Variants in MTRR observed in about 807,000 individuals in gnomAD.
MTRR encodes the protein 5-methyltetrahydrofolate-homocysteine methyltransferase reductase.
In MTRR, 63 loss-of-function variants were observed where a neutral mutation model predicts 79.2. That is an observed-to-expected ratio of 0.80 (90% CI 0.65 to 0.98). MTRR has a LOEUF of 0.98. Among genes scored for constraint, MTRR ranks in the 50% least tolerant of loss-of-function variants. The pLI is 0.00. For synonymous variants in MTRR, 355 were observed against 313.3 expected (o/e 1.13, Z -1.41); for missense variants, 895 against 839.6 (o/e 1.07, Z -0.82).
rs375421492 is a variant in MTRR, at chr5:7,885,749, C to G, written c.952C>G (p.Pro318Ala). ...TGGAGATGCCTTCAGCGTGATCTGC[C>G]CTAACAGTGATTCTGAGGTACAAAG... ...QPGDAFSVIC[P>A]NSDSEVQSLL... Residue 318 changes from proline to alanine, a missense_variant, in exon 7 of 15, where the codon CCT becomes GCT. Physicochemically the swap from Pro to Ala is conservative, Grantham distance 27. Transcript: ENST00000440940. The G allele has an allele frequency of 6.2e-7, 1 of 1,613,770 alleles. No individual in the cohort carries two copies.
chr5:7,870,926 T>C lies in MTRR; in HGVS notation c.129+3T>C. The C allele has an allele frequency of 6.2e-7, 1 of 1,614,208 alleles. No homozygotes were observed. The highest frequency in any genetic ancestry group is 8.5e-7 in the Non-Finnish European group (1 of 1,180,012). ...ACTGTATTAGTGAATCCGATAAGGT[T>C]AGAGCCGTTACAGTGGATTTTACCG... On this transcript the variant is annotated splice_donor_region_variant and intron_variant, in intron 2 of 14. Transcript: ENST00000440940.
At position 7,897,143 on chromosome 5, in the gene MTRR, G is replaced by A. The variant is rs1237223918; in HGVS notation, c.1848G>A (p.Gly616=). Residue 616 remains glycine, a synonymous_variant, in exon 14 of 15, where the codon GGG becomes GGA. Coordinates refer to ENST00000440940, the MANE Select transcript of MTRR (RefSeq NM_002454.3). ...CCTTCTCAAGAGATGCTCCTGTTGG[G>A]GAGGAGGAAGCCCCAGCAAAGTATG... The part of the protein sequence containing the change: ...KVSFSRDAPV[G]EEEAPAKYVQ... 1 of 1,613,928 alleles carries A rather than the reference G, an allele frequency of 6.2e-7. No individual in the cohort carries two copies. The highest frequency in any genetic ancestry group is 1.3e-5 in the African/African-American group (1 of 74,858).
upstream of MTRR, among the ~76,000 whole-genome samples, chr5:7,865,174 G>C (rs1018452826): frequency 1.3e-5 from 2 of 152,178 alleles, no homozygotes; most frequent in African/African-American, 4.8e-5. Context: ...TTTGGGCGTA[G>C]AAACTGCTTT....
intron 1 of MTRR, 98 bp from the exon 2 acceptor site, chr5:7,870,672 G>T: frequency 7.9e-7 from 1 of 1,269,916 alleles, no homozygotes; most frequent in Non-Finnish European, 1.1e-6. Context: ...TTATGTGTGG[G>T]TATTGTTGCA....
intron 5 of MTRR, among the ~76,000 whole-genome samples, chr5:7,879,330 T>G (rs918784937): frequency 1.3e-5 from 2 of 152,110 alleles, no homozygotes; most frequent in Non-Finnish European, 2.9e-5. Flanking sequence ...TAATCATTAA[T>G]CTGACTAGGA....
rs138332575 is a variant in MTRR at position 7,885,859 on chromosome 5, C to T, written c.1057+5C>T. The T allele has an allele frequency of 2.5e-6, 4 of 1,613,952 alleles. No individual in the cohort carries two copies. The East Asian group carries it at 8.9e-5, about 36-fold the overall frequency. Reference sequence around the variant, plus strand: ...AGGCAGACACAAAGAAGAAAGGTAACAGCCCTGATGCTGTGACGTTGGGGT... The same window carrying T: ...AGGCAGACACAAAGAAGAAAGGTAATAGCCCTGATGCTGTGACGTTGGGGT... On this transcript the variant is annotated splice_donor_5th_base_variant and intron_variant, in intron 7 of 14. Transcript: ENST00000440940.
exon 1 of MTRR, chr5:7,851,301 G>A (rs775994072): frequency 2.0e-5 from 7 of 349,020 alleles, no homozygotes; most frequent in Admixed American, 4.8e-5. Flanking sequence ...AGACGCCGCG[G>A]GGACTACCCA....
rs1017039257 is a variant in MTRR at position 7,897,341 on chromosome 5, G to A, written c.1952+94G>A. On this transcript the variant is annotated intron_variant, in intron 14 of 14. Transcript: ENST00000440940. ...ACCGAGAAGCCAATAATCTAGATATGTAGGGATAAGACATTTGATTCTTAA... is the reference window on the plus strand; with the variant it reads ...ACCGAGAAGCCAATAATCTAGATATATAGGGATAAGACATTTGATTCTTAA... The A allele has an allele frequency of 1.1e-5, 13 of 1,237,562 alleles. No homozygotes were observed. The African/African-American group carries it at 1.3e-4, about 13-fold the overall frequency. 76.7% of individuals were successfully genotyped at this position (1,237,562 alleles called of 1,614,324 possible). A position where few individuals can be genotyped will look rare whatever the true frequency, so the allele number is the denominator to read the frequency against.
chr5:7,898,247 G>A (rs1224291508), intron 14 of MTRR, among the ~76,000 whole-genome samples: 2 of 151,942 alleles, frequency 1.3e-5, no homozygotes, highest in Admixed American at 6.6e-5. Context: ...ATTTTGTTTG[G>A]CGAGGACAGT....
chr5:7,877,555 G>A (rs1001920117), intron 4 of MTRR, among the ~76,000 whole-genome samples: 2 of 149,996 alleles, frequency 1.3e-5, no homozygotes, highest in African/African-American at 2.5e-5. Context: ...AGCATTTGCA[G>A]CATTATGGTA....
upstream of MTRR, chr5:7,867,966 G>A: frequency 6.2e-7 from 1 of 1,613,992 alleles, no homozygotes; most frequent in Non-Finnish European, 8.5e-7. Flanking sequence ...GGGCACAGAC[G>A]CTCCTTGACT....
In MTRR at chr5:7,899,981, G is replaced by A; in HGVS notation, c.2020G>A (p.Val674Ile). The A allele has an allele frequency of 6.2e-7, 1 of 1,614,152 alleles. No homozygotes were observed. The highest frequency in any genetic ancestry group is 1.1e-5 in the South Asian group (1 of 91,080). The change falls in exon 15 of 15, where the codon GTT becomes ATT. Residue 674 changes from valine (V) to isoleucine (I), a missense_variant. Val to Ile is a conservative substitution (Grantham distance 29). Coordinates refer to ENST00000440940, the MANE Select transcript of MTRR (RefSeq NM_002454.3). ...LVQIISKEVG[V>I]EKLEAMKTLA... The stretch of plus-strand genomic sequence containing the variant: ...GCAAATAATAAGCAAAGAGGTTGGA[G>A]TTGAAAAACTAGAAGCAATGAAAAC...
chr5:7,856,444 T>G (rs326209), intron 1 of MTRR, among the ~76,000 whole-genome samples: 112,555 of 152,150 alleles, frequency 0.74, 42,629 homozygotes, highest in African/African-American at 0.91. Context: ...TACAGACCAT[T>G]CCTTACATGA....
At chr5:7,890,196 G>A in intron 9 of MTRR, 3 of 908,436 alleles carry the variant, frequency 3.3e-6, no homozygotes, top group Non-Finnish European at 3.9e-6. Flanking sequence ...CCTTTTCGAT[G>A]CCCAGTACAA....
chr5:7,885,599 A>G (rs921955984), intron 6 of MTRR, 102 bp from the exon 7 acceptor site: 16 of 1,135,482 alleles, frequency 1.4e-5, no homozygotes, highest in Non-Finnish European at 1.9e-5. Context: ...GAGTTCACAT[A>G]TTAAAATCAT....
At chr5:7,879,628 GA>G (rs1187429387) in intron 5 of MTRR, among the ~76,000 whole-genome samples, 1 of 152,044 alleles carries the variant, frequency 6.6e-6, no homozygotes, top group Non-Finnish European at 1.5e-5. Context: ...AAAGAATTGG[GA>G]AAAAAAGAAT....
chr5:7,853,744 C>T (rs563704849), intron 1 of MTRR, among the ~76,000 whole-genome samples: 126 of 152,270 alleles, frequency 8.3e-4, no homozygotes, highest in Middle Eastern at 3.4e-3. Context: ...GGTGGAGGCT[C>T]GCTCCTTCAG....
chr5:7,860,514 T>C (rs1262109524), intron 1 of MTRR, among the ~76,000 whole-genome samples: 1 of 152,204 alleles, frequency 6.6e-6, no homozygotes, highest in African/African-American at 2.4e-5. Flanking sequence ...ATAATGAATA[T>C]AGGTAGGCCC....
upstream of MTRR, chr5:7,867,409 CAG>C: frequency 6.2e-7 from 1 of 1,614,196 alleles, no homozygotes; most frequent in Non-Finnish European, 8.5e-7. Flanking sequence ...GCAGTGTAAT[CAG>C]ACTTTCCCCA....
Sources: allele counts gnomAD v4.1 joint callset (sites outside exome capture counted in the v4.1 genomes callset), GRCh38; gene constraint gnomAD v4.1.1; transcripts MANE v1.5; gene names NCBI Gene and HGNC (gene_info 2026-07-23, HGNC 2026-07-21).